Variants in ZDHHC1 observed in about 807,000 individuals in gnomAD.
ZDHHC1 encodes the protein zDHHC palmitoyltransferase 1, also known as palmitoyltransferase ZDHHC1.
In ZDHHC1, 45 loss-of-function variants were observed where a neutral mutation model predicts 46.9. The ratio of observed to expected loss-of-function variants is 0.96; its 90% CI spans 0.76 to 1.23. ZDHHC1 has a LOEUF of 1.23. ZDHHC1 is among the 50% of genes most tolerant of loss of function. The pLI, the probability that ZDHHC1 is intolerant of heterozygous loss-of-function variation, is 0.00. For synonymous variants in ZDHHC1, 291 were observed against 286.0 expected (o/e 1.02, Z -0.18); for missense variants, 649 against 670.8 (o/e 0.97, Z 0.36).
chr16:67,395,721 AG>A (rs1274132101), intron 8 of ZDHHC1, 155 bp from the exon 9 acceptor site: 3 of 735,282 alleles, frequency 4.1e-6, no homozygotes, highest in Non-Finnish European at 6.7e-6. Flanking sequence ...CCCCATCTGT[AG>A]GGTAAGGCTT....
intron 8 of ZDHHC1, 135 bp downstream of exon 8, chr16:67,398,077 G>A: frequency 2.3e-6 from 2 of 864,970 alleles, no homozygotes; most frequent in Non-Finnish European, 1.8e-6. Flanking sequence ...CACACGCTCA[G>A]CACAAGCCCG....
At position 67,406,568 on chromosome 16, in the gene ZDHHC1, C is replaced by T. The variant is rs751020663; in HGVS notation, c.10-126G>A. ...TGCGACAGCTACTCTGCTGGGGAAA[C>T]TGGGGTCCTAGCACAATAGAGATGG... On this transcript the variant is annotated intron_variant, in intron 2 of 11. Coordinates refer to ENST00000565726, the MANE Select transcript of ZDHHC1 (RefSeq NM_001323627.2). The surrounding 1 kb of genome is among the most constrained non-coding windows in gnomAD (Gnocchi z 4.1). 10 of 1,254,218 alleles carry T rather than the reference C, an allele frequency of 8.0e-6. No individual in the cohort carries two copies. Among genetic ancestry groups the T allele is most frequent in the Non-Finnish European group, 1.1e-5 (10 of 938,570 alleles). 77.7% of individuals were successfully genotyped at this position (1,254,218 alleles called of 1,614,324 possible).
chr16:67,404,659 C>T (rs1368956705), intron 3 of ZDHHC1: 4 of 454,840 alleles, frequency 8.8e-6, no homozygotes, highest in South Asian at 4.7e-5. Flanking sequence ...CCCATCTGGC[C>T]TCACTGGGTG....
intron 1 of ZDHHC1, among the ~76,000 whole-genome samples, chr16:67,408,540 G>A (rs2040701628): frequency 1.3e-5 from 2 of 152,150 alleles, no homozygotes; most frequent in African/African-American, 4.8e-5. Flanking sequence ...AGGCTGGAGT[G>A]CCGTGGCGCA....
rs2040417094 is a variant in ZDHHC1, at chr16:67,395,660, T to C, written c.928-94A>G. On this transcript the variant is annotated intron_variant, in intron 8 of 11. Transcript: ENST00000565726. ...CCACGCAGTCCTGCCCTCATTGGCCTCTGTGGGATATCTCAGGCCTCATGC... is the reference window on the plus strand; with the variant it reads ...CCACGCAGTCCTGCCCTCATTGGCCCCTGTGGGATATCTCAGGCCTCATGC... 3.3e-6 allele frequency: 4 copies of C among 1,229,858 alleles called. No individual in the cohort carries two copies. The South Asian group carries it at 5.3e-5, about 16-fold the overall frequency. 76.2% of individuals were successfully genotyped at this position (1,229,858 alleles called of 1,614,324 possible). A position where few individuals can be genotyped will look rare whatever the true frequency, so the allele number is the denominator to read the frequency against.
At chr16:67,409,156 A>C (rs1277662424) in intron 1 of ZDHHC1, among the ~76,000 whole-genome samples, 4 of 152,056 alleles carry the variant, frequency 2.6e-5, no homozygotes, top group African/African-American at 9.7e-5. Context: ...AGGCAGGAGG[A>C]GTCACCATCT....
chr16:67,402,764 C>A (rs544607464), intron 3 of ZDHHC1, among the ~76,000 whole-genome samples: 7 of 152,172 alleles, frequency 4.6e-5, no homozygotes, highest in African/African-American at 1.7e-4. Flanking sequence ...GTAGCTGGGA[C>A]TACAGGTGTT....
At chr16:67,414,496 G>C (rs918389805) in intron 1 of ZDHHC1, among the ~76,000 whole-genome samples, 1 of 152,080 alleles carries the variant, frequency 6.6e-6, no homozygotes, top group Admixed American at 6.6e-5. Context: ...CTCCAGCATC[G>C]CTCTCCTACA....
chr16:67,414,953 A>G (rs903421965), intron 1 of ZDHHC1, among the ~76,000 whole-genome samples: 1 of 152,288 alleles, frequency 6.6e-6, no homozygotes, highest in Non-Finnish European at 1.5e-5. Context: ...CCTGGCCAAC[A>G]TGTTGAAACC....
At chr16:67,410,375 C>T (rs1304008404) in intron 1 of ZDHHC1, among the ~76,000 whole-genome samples, 1 of 152,184 alleles carries the variant, frequency 6.6e-6, no homozygotes, top group Non-Finnish European at 1.5e-5. Flanking sequence ...GGAAAACATT[C>T]TTCATGTACC....
At position 67,407,781 on chromosome 16, in the gene ZDHHC1, A is replaced by G. The variant is rs2040689023; in HGVS notation, c.-6T>C. 1 of 780,906 alleles carries G rather than the reference A, an allele frequency of 1.3e-6. No individual in the cohort carries two copies. Among genetic ancestry groups the G allele is most frequent in the African/African-American group, 1.7e-5 (1 of 59,240 alleles). The allele number at this position is 780,906 out of a possible 1,614,324, so 48.4% of individuals were successfully genotyped here. On this transcript the variant is annotated 5_prime_UTR_variant, in exon 2 of 12. Transcript: ENST00000565726. ...CAAAATTGTACCTTGTACATAGTAG[A>G]TCCTCAGTAAATGTTTGCTGACTTG...
intron 1 of ZDHHC1, among the ~76,000 whole-genome samples, chr16:67,415,936 T>C (rs1454034835): frequency 6.6e-6 from 1 of 152,164 alleles, no homozygotes; most frequent in Non-Finnish European, 1.5e-5. Context: ...AGACCACGTC[T>C]GTTGGGAGTC....
chr16:67,411,083 G>A (rs1022901476), intron 1 of ZDHHC1, among the ~76,000 whole-genome samples: 1 of 151,832 alleles, frequency 6.6e-6, no homozygotes, highest in African/African-American at 2.4e-5. Flanking sequence ...GCCCACCTCT[G>A]CTCCCAACAA....
intron 1 of ZDHHC1, among the ~76,000 whole-genome samples, chr16:67,410,212 G>A (rs1597549157): frequency 6.6e-6 from 1 of 152,192 alleles, no homozygotes; most frequent in African/African-American, 2.4e-5. Flanking sequence ...GGGCATGGGG[G>A]AAGCGGCACC....
chr16:67,410,662 T>C (rs1039172471), intron 1 of ZDHHC1, among the ~76,000 whole-genome samples: 2 of 149,290 alleles, frequency 1.3e-5, no homozygotes, highest in Admixed American at 6.7e-5. Flanking sequence ...TTATTATTAT[T>C]ATTATTATTA....
At chr16:67,397,401 C>T (rs2040453780) in intron 8 of ZDHHC1, among the ~76,000 whole-genome samples, 1 of 152,214 alleles carries the variant, frequency 6.6e-6, no homozygotes, top group Non-Finnish European at 1.5e-5. Context: ...CCACCCACAG[C>T]CAGCATGCCC....
At chr16:67,396,340 G>T (rs1339075000) in intron 8 of ZDHHC1, 1 of 152,310 alleles carries the variant, frequency 6.6e-6, no homozygotes, top group African/African-American at 2.4e-5. Flanking sequence ...GCAGGCCCGG[G>T]AAGGGCGTGG....
Position 67,394,797 on chromosome 16 carries a change from G to GAT in ZDHHC1, c.1261_1262insAT (p.Ala421AspfsTer45). On this transcript the variant is annotated frameshift_variant, in exon 12 of 12. Transcript: ENST00000565726. LOFTEE classifies it low-confidence loss of function (END_TRUNC). ...AATCTCGTCCACGGACTCTGCCGACGCCGAGTGGTAGGCGCCGGCAGGGCC... is the reference window on the plus strand; with the variant it reads ...AATCTCGTCCACGGACTCTGCCGACGATCCGAGTGGTAGGCGCCGGCAGGGCC... 1 of 1,536,312 alleles carries GAT rather than the reference G, an allele frequency of 6.5e-7. No homozygotes were observed. Among genetic ancestry groups the GAT allele is most frequent in the Non-Finnish European group, 8.7e-7 (1 of 1,145,918 alleles).
At chr16:67,399,512 C>T (rs754402068) in intron 4 of ZDHHC1, 56 bp from the exon 5 acceptor site, 36 of 1,490,112 alleles carry the variant, frequency 2.4e-5, no homozygotes, top group South Asian at 2.0e-4. Context: ...CTCTGCGGCC[C>T]GGCCGGTCGG....
Sources: gnomAD v4.1 joint callset for allele counts (sites outside exome capture counted in the v4.1 genomes callset) on GRCh38, gnomAD v4.1.1 for gene constraint, Gnocchi (gnomAD v3.1) non-coding constraint, MANE v1.5 for transcripts, NCBI Gene and HGNC (gene_info 2026-07-23, HGNC 2026-07-21) for gene names.